RYR2: variants seen among roughly 807,000 people sequenced by gnomAD.
RYR2 encodes the protein cardiac muscle ryanodine receptor-calcium release channel.
RYR2 carries 227 observed loss-of-function variants against 601.1 expected under a neutral mutation model. The ratio of observed to expected loss-of-function variants is 0.38; its 90% CI spans 0.34 to 0.42. The LOEUF (loss-of-function observed/expected upper bound fraction) is 0.42, where lower values mean the gene tolerates loss of function less well. Among genes scored for constraint, RYR2 ranks in the 10% least tolerant of loss-of-function variants. The pLI, the probability that RYR2 is intolerant of heterozygous loss-of-function variation, is 1.00. For missense variants in RYR2, 4,646 were observed against 6,156.5 expected, an observed-to-expected ratio of 0.75 and a Z score of 8.21; for synonymous variants, 2,223 against 2,175.1, an observed-to-expected ratio of 1.02 and a Z score of -0.61.
chr1:237,178,416 CTG>C (rs201867544), intron 1 of RYR2, among the ~76,000 whole-genome samples: 17,689 of 129,142 alleles, frequency 0.14, 1,084 homozygotes, highest in Middle Eastern at 0.17. Context: ...AGTTAAGGCT[CTG>C]TGTGTGTGTG....
At chr1:237,335,112 C>A (rs541524786) in intron 3 of RYR2, among the ~76,000 whole-genome samples, 9 of 152,140 alleles carry the variant, frequency 5.9e-5, no homozygotes, top group Non-Finnish European at 1.2e-4. Context: ...TTCCTCCCCT[C>A]GACCCCAGTA....
intron 78 of RYR2, among the ~76,000 whole-genome samples, 182 bp downstream of exon 78, chr1:237,732,331 T>G (rs544950566): frequency 1.3e-5 from 2 of 152,316 alleles, no homozygotes; most frequent in African/African-American, 4.8e-5. Context: ...AATTTTAGGC[T>G]TCAGCAACTA....
intron 8 of RYR2, among the ~76,000 whole-genome samples, chr1:237,385,021 C>T (rs551767224): frequency 4.7e-4 from 72 of 152,070 alleles, no homozygotes; most frequent in Admixed American, 3.9e-3. Flanking sequence ...TCCTGAGTAA[C>T]TGGGATTACA....
At chr1:237,128,112 C>A (rs936815224) in intron 1 of RYR2, among the ~76,000 whole-genome samples, 2 of 151,972 alleles carry the variant, frequency 1.3e-5, no homozygotes, top group East Asian at 1.9e-4. Context: ...ACTGAGTGAA[C>A]GAGACTCCGT....
At chr1:237,255,838 AGTGTGTGTGT>A (rs4006354) in intron 1 of RYR2, among the ~76,000 whole-genome samples, 3 of 142,958 alleles carry the variant, frequency 2.1e-5, no homozygotes, top group Admixed American at 7.0e-5. Context: ...TTGCTATACC[AGTGTGTGTGT>A]GTGTGTGTGT....
At position 237,062,959 on chromosome 1, in the gene RYR2, GTT is replaced by G. The variant is rs1214299004; in HGVS notation, c.48+20400_48+20401del. On this transcript the variant is annotated intron_variant, in intron 1 of 104. Coordinates refer to ENST00000366574, the MANE Select transcript of RYR2 (RefSeq NM_001035.3). ...ATCAGTTTAGAATTATGATTTTACT[GTT>G]TTTTTTTTTCTGTTAGTGCAATGGA... 2.7e-3 allele frequency among the ~76,000 whole-genome samples: 389 copies of G among 145,700 alleles called. 1 individual carries two copies. The highest frequency in any genetic ancestry group is 8.0e-3 in the African/African-American group (320 of 40,060).
chr1:237,155,336 C>T (rs546419867), intron 1 of RYR2, among the ~76,000 whole-genome samples: 49 of 151,902 alleles, frequency 3.2e-4, no homozygotes, highest in South Asian at 1.5e-3. Context: ...CCACCACGCT[C>T]GGCTAATTTT....
At chr1:237,226,905 G>T (rs1367341954) in intron 1 of RYR2, among the ~76,000 whole-genome samples, 1 of 151,994 alleles carries the variant, frequency 6.6e-6, no homozygotes, top group Admixed American at 6.6e-5. Flanking sequence ...AGCAGCTGGG[G>T]TTACAGGTGT....
At chr1:237,572,746 T>A (rs952013918) in intron 29 of RYR2, among the ~76,000 whole-genome samples, 1 of 152,108 alleles carries the variant, frequency 6.6e-6, no homozygotes, top group African/African-American at 2.4e-5. Context: ...AAGTAGTAAC[T>A]TTGTAGGGGT....
intron 73 of RYR2, among the ~76,000 whole-genome samples, chr1:237,721,773 G>A (rs1204291066): frequency 6.6e-6 from 1 of 152,110 alleles, no homozygotes; most frequent in Middle Eastern, 3.2e-3. Flanking sequence ...ACCCACCTTG[G>A]CCTCCCAAAG....
chr1:237,665,212 A>C (rs1298245568), intron 56 of RYR2, among the ~76,000 whole-genome samples: 2 of 152,064 alleles, frequency 1.3e-5, no homozygotes, highest in South Asian at 4.1e-4. Context: ...CATCCTGCCC[A>C]ATATGGTGAA....
At chr1:237,090,379 A>G (rs1320902326) in intron 1 of RYR2, among the ~76,000 whole-genome samples, 1 of 152,132 alleles carries the variant, frequency 6.6e-6, no homozygotes, top group Non-Finnish European at 1.5e-5. Flanking sequence ...CAGTGTAATC[A>G]TGAGAGGATT....
chr1:237,262,456 C>G (rs1416267834), intron 1 of RYR2, among the ~76,000 whole-genome samples: 1 of 151,754 alleles, frequency 6.6e-6, no homozygotes, highest in Non-Finnish European at 1.5e-5. Flanking sequence ...GGGGTTTCAC[C>G]ATGTTGGCCA....
chr1:237,356,755 A>G (rs375776612), intron 4 of RYR2, among the ~76,000 whole-genome samples: 1 of 152,200 alleles, frequency 6.6e-6, no homozygotes, highest in African/African-American at 2.4e-5. Flanking sequence ...ACCTTCCAAT[A>G]CTTAACACAC....
intron 49 of RYR2, among the ~76,000 whole-genome samples, chr1:237,648,994 A>G (rs1682450724): frequency 6.6e-6 from 1 of 152,242 alleles, no homozygotes; most frequent in Admixed American, 6.5e-5. Flanking sequence ...AAAGCAATGA[A>G]AGAATTAAGA....
intron 45 of RYR2, 43 bp from the exon 46 acceptor site, chr1:237,638,972 A>G: frequency 1.3e-6 from 2 of 1,595,574 alleles, no homozygotes; most frequent in Non-Finnish European, 1.7e-6. Flanking sequence ...CAGAACTTCC[A>G]TATAATCATA....
At chr1:237,336,234 A>G (rs993654743) in intron 3 of RYR2, among the ~76,000 whole-genome samples, 3 of 152,182 alleles carry the variant, frequency 2.0e-5, no homozygotes, top group African/African-American at 7.2e-5. Flanking sequence ...TATTAAAACT[A>G]TTAATAGAAA....
At chr1:237,393,112 G>T (rs1252801844) in intron 10 of RYR2, among the ~76,000 whole-genome samples, 1 of 152,174 alleles carries the variant, frequency 6.6e-6, no homozygotes, top group Admixed American at 6.5e-5. Flanking sequence ...GGTATGTTTT[G>T]TGGGGTGGTA....
intron 87 of RYR2, among the ~76,000 whole-genome samples, chr1:237,778,401 A>AAC (rs1159726017): frequency 2.6e-5 from 4 of 151,586 alleles, no homozygotes; most frequent in Non-Finnish European, 5.9e-5. Flanking sequence ...CCAGACCAAA[A>AAC]AAAAAAAATG....
Sources: allele counts gnomAD v4.1 joint callset (sites outside exome capture counted in the v4.1 genomes callset), GRCh38; gene constraint gnomAD v4.1.1; transcripts MANE v1.5; gene names NCBI Gene and HGNC (gene_info 2026-07-23, HGNC 2026-07-21).